SPATA16: variants seen among roughly 807,000 people sequenced by gnomAD.
SPATA16 encodes the protein spermatogenesis-associated protein 16.
Under a neutral mutation model 63.3 loss-of-function variants are expected in SPATA16, and 36 were observed. The observed-to-expected ratio is 0.57, with a 90% CI of 0.44 to 0.75. The LOEUF is 0.75. Ranked by LOEUF, SPATA16 falls within the 30% of genes least tolerant of loss-of-function variation. SPATA16 has a pLI of 0.00. For synonymous variants in SPATA16, 203 were observed against 216.7 expected (o/e 0.94, Z 0.56); for missense variants, 646 against 679.3 (o/e 0.95, Z 0.54).
At chr3:172,902,054 G>A (rs1321753519) in intron 10 of SPATA16, among the ~76,000 whole-genome samples, 2 of 151,998 alleles carry the variant, frequency 1.3e-5, no homozygotes, top group Non-Finnish European at 2.9e-5. Context: ...TTTTATTTTT[G>A]AGAGACGGAG....
chr3:172,911,058 C>A (rs556498077), intron 10 of SPATA16, among the ~76,000 whole-genome samples: 236 of 152,308 alleles, frequency 1.5e-3, no homozygotes, highest in Middle Eastern at 3.4e-3. Context: ...CATCAGAGGG[C>A]ATTAGAAGGA....
chr3:173,019,633 A>G (rs1302393249), intron 3 of SPATA16, 58 bp from the exon 4 acceptor site: 5 of 1,458,496 alleles, frequency 3.4e-6, no homozygotes, highest in Non-Finnish European at 3.8e-6. Context: ...CAATTACCAC[A>G]AGTGCAATGG....
chr3:172,938,837 C>T (rs114650486), intron 6 of SPATA16, among the ~76,000 whole-genome samples: 9,397 of 113,544 alleles, frequency 0.083, 170 homozygotes, highest in Admixed American at 0.13. Flanking sequence ...CCCCCCACCC[C>T]CCCGCAACAA....
rs1736633345 is a variant in SPATA16 at position 173,070,142 on chromosome 3, C to A, written c.613-21048G>T. On this transcript the variant is annotated intron_variant, in intron 2 of 10. Transcript: ENST00000351008. ...AGGTGTAGTGGCTTACACCTGTAATCCCAGCACTTTGGGAGGCCAAGGTGG... is the reference window on the plus strand; with the variant it reads ...AGGTGTAGTGGCTTACACCTGTAATACCAGCACTTTGGGAGGCCAAGGTGG... Among the ~76,000 whole-genome samples, 6 of 152,118 alleles carry A rather than the reference C, an allele frequency of 3.9e-5. No homozygotes were observed. The South Asian group carries it at 1.2e-3, about 32-fold the overall frequency.
intron 2 of SPATA16, among the ~76,000 whole-genome samples, chr3:173,106,237 C>G (rs1422349635): frequency 1.3e-5 from 2 of 152,174 alleles, no homozygotes; most frequent in East Asian, 3.8e-4. Context: ...CCAGCTTCTT[C>G]AGCTTTATTT....
intron 2 of SPATA16, among the ~76,000 whole-genome samples, chr3:173,092,450 G>A (rs980038068): frequency 6.6e-6 from 1 of 152,160 alleles, no homozygotes; most frequent in Admixed American, 6.6e-5. Flanking sequence ...TAGAATTAAG[G>A]TTGTTAATCA....
intron 6 of SPATA16, among the ~76,000 whole-genome samples, chr3:172,931,919 C>T (rs1029708442): frequency 6.6e-6 from 1 of 152,150 alleles, no homozygotes; most frequent in Non-Finnish European, 1.5e-5. Context: ...TGGCTTGCTG[C>T]AGCTTTTTCT....
chr3:173,017,147 T>C (rs891923956), intron 4 of SPATA16, among the ~76,000 whole-genome samples: 1 of 152,210 alleles, frequency 6.6e-6, no homozygotes, highest in Non-Finnish European at 1.5e-5. Context: ...GACCTTATAC[T>C]GTATATTGAA....
At chr3:172,937,789 CTG>C (rs1373483191) in intron 6 of SPATA16, among the ~76,000 whole-genome samples, 2 of 152,108 alleles carry the variant, frequency 1.3e-5, no homozygotes, top group Non-Finnish European at 2.9e-5. Flanking sequence ...AAAAAAGTAA[CTG>C]TTTTTCAATT....
chr3:173,041,470 A>G (rs1483038782), intron 3 of SPATA16, among the ~76,000 whole-genome samples: 1 of 152,190 alleles, frequency 6.6e-6, no homozygotes, highest in Non-Finnish European at 1.5e-5. Context: ...CATCAGAACA[A>G]CCACCCATAT....
At chr3:172,994,177 C>G (rs1261268418) in intron 4 of SPATA16, among the ~76,000 whole-genome samples, 1 of 151,984 alleles carries the variant, frequency 6.6e-6, no homozygotes, top group East Asian at 1.9e-4. Context: ...ATTTAGATAC[C>G]AAGAGTATGT....
chr3:173,021,844 A>G (rs1450670181), intron 3 of SPATA16, among the ~76,000 whole-genome samples: 2 of 151,898 alleles, frequency 1.3e-5, no homozygotes. Flanking sequence ...GTTAGCATCT[A>G]CAAATTTGAT....
chr3:173,134,636 T>C (rs955848496), intron 1 of SPATA16, among the ~76,000 whole-genome samples: 2 of 152,182 alleles, frequency 1.3e-5, no homozygotes, highest in African/African-American at 4.8e-5. Context: ...GCTGGTGCCA[T>C]GTTTCCTGGA....
rs369403965 is a variant in SPATA16, at chr3:173,046,571, G to A, written c.758+2378C>T. Among the ~76,000 whole-genome samples the A allele has an allele frequency of 1.6e-4, 24 of 151,998 alleles. 1 individual carries two copies. The East Asian group carries it at 1.7e-3, about 11-fold the overall frequency. On this transcript the variant is annotated intron_variant, in intron 3 of 10. Transcript: ENST00000351008. ...ATTTACATAAAATTACAGAGAAGAT[G>A]CTTCAGCAAATGCAAATAAATGCAA...
chr3:172,994,863 C>T (rs971235119), intron 4 of SPATA16, among the ~76,000 whole-genome samples: 1 of 151,992 alleles, frequency 6.6e-6, no homozygotes, highest in African/African-American at 2.4e-5. Flanking sequence ...TAATTAATCC[C>T]TTATGTTAGG....
intron 8 of SPATA16, among the ~76,000 whole-genome samples, chr3:172,921,973 A>T (rs1036910295): frequency 6.6e-6 from 1 of 152,240 alleles, no homozygotes; most frequent in African/African-American, 2.4e-5. Flanking sequence ...AGTGAATGTC[A>T]TTTGGTATCT....
chr3:173,023,647 G>A (rs562190619), intron 3 of SPATA16, among the ~76,000 whole-genome samples: 1 of 151,550 alleles, frequency 6.6e-6, no homozygotes, highest in East Asian at 1.9e-4. Context: ...CAGGAATGTG[G>A]CATTTCTCTT....
At chr3:172,942,787 G>A (rs1219595089) in intron 6 of SPATA16, among the ~76,000 whole-genome samples, 1 of 151,986 alleles carries the variant, frequency 6.6e-6, no homozygotes, top group Non-Finnish European at 1.5e-5. Context: ...ATATATTAGG[G>A]CGTAAACCAA....
chr3:173,105,685 T>G (rs886762982), intron 2 of SPATA16, among the ~76,000 whole-genome samples: 5 of 152,158 alleles, frequency 3.3e-5, no homozygotes, highest in African/African-American at 9.7e-5. Context: ...CAACTGGGCT[T>G]GCCAGCAGCC....
Sources: allele counts gnomAD v4.1 joint callset (sites outside exome capture counted in the v4.1 genomes callset), GRCh38; gene constraint gnomAD v4.1.1; transcripts MANE v1.5; gene names NCBI Gene and HGNC (gene_info 2026-07-23, HGNC 2026-07-21).